Variants in CWH43 observed in about 807,000 individuals in gnomAD.
The protein encoded by CWH43 is PGAP2-interacting protein.
CWH43 carries 91 observed loss-of-function variants against 85.7 expected under a neutral mutation model. The ratio of observed to expected loss-of-function variants is 1.06; its 90% confidence interval spans 0.90 to 1.26. CWH43 has a LOEUF of 1.26. CWH43 is among the 50% of genes most tolerant of loss of function. The probability of loss-of-function intolerance (pLI) is 0.00; values close to 1 mark genes in which losing one functional copy is unlikely to be tolerated. For missense variants in CWH43, 869 were observed against 839.2 expected, an observed-to-expected ratio of 1.04 and a Z score of -0.44; for synonymous variants, 323 against 293.6, an observed-to-expected ratio of 1.10 and a Z score of -1.02.
chr4:49,028,597 C>A (rs1481944650), intron 9 of CWH43, 32 bp from the exon 10 acceptor site: 4 of 1,510,188 alleles, frequency 2.6e-6, no homozygotes, highest in South Asian at 1.2e-5. Flanking sequence ...TGTTCACAGT[C>A]ATCCTAAACT....
intron 14 of CWH43, among the ~76,000 whole-genome samples, chr4:49,046,889 G>C (rs867470553): frequency 6.6e-6 from 1 of 152,198 alleles, no homozygotes; most frequent in African/African-American, 2.4e-5. Flanking sequence ...AAACACTCAA[G>C]GGTTCTCCTG....
At chr4:49,011,225 A>G (rs1361653551) in intron 8 of CWH43, among the ~76,000 whole-genome samples, 1 of 152,090 alleles carries the variant, frequency 6.6e-6, no homozygotes, top group African/African-American at 2.4e-5. Flanking sequence ...CTTTACTATT[A>G]TGTAATGGCC....
At position 48,986,387 on chromosome 4, in the gene CWH43, A is replaced by G. The variant is rs1351979131; in HGVS notation, c.-43A>G. On this transcript the variant is annotated 5_prime_UTR_variant, in exon 1 of 16. Coordinates refer to ENST00000226432, the MANE Select transcript of CWH43 (RefSeq NM_025087.3). ...GCGCAGGGCTAGGGCAGCGGGCCCGACCCGCACGGCTTTCCTGGAAAGCGC... is the reference window on the plus strand; with the variant it reads ...GCGCAGGGCTAGGGCAGCGGGCCCGGCCCGCACGGCTTTCCTGGAAAGCGC... 1.3e-6 allele frequency: 2 copies of G among 1,541,846 alleles called. No individual in the cohort carries two copies. Among genetic ancestry groups the G allele is most frequent in the Admixed American group, 2.0e-5 (1 of 50,666 alleles).
chr4:49,028,009 C>A (rs1004827163), intron 9 of CWH43, among the ~76,000 whole-genome samples: 2 of 152,236 alleles, frequency 1.3e-5, no homozygotes, highest in Admixed American at 6.5e-5. Context: ...ATAGGCTGAC[C>A]ACTTCTTCAA....
intron 1 of CWH43, 78 bp from the exon 2 acceptor site, chr4:48,988,399 G>A (rs1168122669): frequency 2.6e-6 from 3 of 1,142,570 alleles, no homozygotes; most frequent in Non-Finnish European, 3.7e-6. Context: ...CCAAGCGGCT[G>A]GAGTGGAGGG....
chr4:48,993,781 T>C (rs1782727442), intron 4 of CWH43, among the ~76,000 whole-genome samples: 1 of 152,082 alleles, frequency 6.6e-6, no homozygotes, highest in Non-Finnish European at 1.5e-5. Context: ...TGAGATGGAG[T>C]TTCACTCTTG....
chr4:49,045,818 CA>C (rs1338523875), intron 14 of CWH43, among the ~76,000 whole-genome samples: 3 of 151,892 alleles, frequency 2.0e-5, no homozygotes, highest in Admixed American at 6.6e-5. Flanking sequence ...GTATACTGAT[CA>C]AATCATTATA....
intron 13 of CWH43, among the ~76,000 whole-genome samples, chr4:49,039,429 A>T (rs1435869360): frequency 2.0e-4 from 27 of 137,884 alleles, no homozygotes; most frequent in Middle Eastern, 3.8e-3. Flanking sequence ...ATATATATAC[A>T]CTTATATATA....
At chr4:49,032,826 A>G (rs1577691921) in intron 12 of CWH43, 111 bp downstream of exon 12, 5 of 1,327,880 alleles carry the variant, frequency 3.8e-6, no homozygotes, top group Non-Finnish European at 4.2e-6. Flanking sequence ...TTTACCTCCC[A>G]AAGTATTTCT....
intron 5 of CWH43, among the ~76,000 whole-genome samples, chr4:48,997,225 C>CTTT (rs35408755): frequency 2.1e-5 from 3 of 145,204 alleles, no homozygotes; most frequent in Admixed American, 6.9e-5. Flanking sequence ...TAACTTAAAA[C>CTTT]TTTTTTTTTT....
chr4:49,050,337 T>A (rs771087182), intron 14 of CWH43, among the ~76,000 whole-genome samples: 4 of 152,286 alleles, frequency 2.6e-5, no homozygotes, highest in Non-Finnish European at 5.9e-5. Context: ...TTTTTAAAGG[T>A]AAGAAAGAAG....
chr4:48,986,523 A>T, intron 1 of CWH43, 51 bp downstream of exon 1: 4 of 1,548,514 alleles, frequency 2.6e-6, no homozygotes, highest in Non-Finnish European at 3.5e-6. Flanking sequence ...TCCCCGGGCC[A>T]TGTCCAGAGC....
chr4:49,045,773 T>C (rs1553917730), intron 14 of CWH43, among the ~76,000 whole-genome samples: 2 of 152,070 alleles, frequency 1.3e-5, no homozygotes, highest in Non-Finnish European at 2.9e-5. Flanking sequence ...ACACATTTAT[T>C]GGGGGGGTAC....
intron 1 of CWH43, 140 bp from the exon 2 acceptor site, chr4:48,988,337 G>GAA: frequency 6.3e-6 from 3 of 477,868 alleles, no homozygotes; most frequent in South Asian, 5.5e-5. Flanking sequence ...CCATGTCAGT[G>GAA]GAGACAACTG....
At chr4:49,026,889 T>C (rs2109799437) in intron 9 of CWH43, among the ~76,000 whole-genome samples, 1 of 152,326 alleles carries the variant, frequency 6.6e-6, no homozygotes, top group African/African-American at 2.4e-5. Context: ...CTTCTTTCCT[T>C]TTGGGTAGAT....
chr4:48,991,334 TACATCAA>T lies in CWH43; in HGVS notation c.236-119_236-113del. ...AATTTTAAATACATATATAAAATTA[TACATCAA>T]CTCTGTCTTCCTGAGTATAAAGATG... On this transcript the variant is annotated intron_variant, in intron 2 of 15. Coordinates refer to ENST00000226432, the MANE Select transcript of CWH43 (RefSeq NM_025087.3). The T allele has an allele frequency of 6.2e-6, 6 of 967,600 alleles. 1 individual carries two copies. In the Admixed American group the frequency reaches 1.6e-4, roughly 25 times the overall value. 59.9% of individuals were successfully genotyped at this position (967,600 alleles called of 1,614,324 possible). A position where few individuals can be genotyped will look rare whatever the true frequency, so the allele number is the denominator to read the frequency against.
At chr4:49,035,203 C>T (rs2768972) in intron 12 of CWH43, among the ~76,000 whole-genome samples, 486 of 152,234 alleles carry the variant, frequency 3.2e-3, no homozygotes, top group Non-Finnish European at 4.7e-3. Flanking sequence ...TTAGAGATTT[C>T]GTTTTCCAGT....
intron 14 of CWH43, among the ~76,000 whole-genome samples, chr4:49,048,403 T>C (rs1285105041): frequency 6.6e-6 from 1 of 151,216 alleles, no homozygotes; most frequent in Non-Finnish European, 1.5e-5. Flanking sequence ...AAAGTATATA[T>C]ATAAAATATG....
At chr4:48,998,670 G>C in intron 6 of CWH43, 122 bp downstream of exon 6, 1 of 739,834 alleles carries the variant, frequency 1.4e-6, no homozygotes, top group Admixed American at 1.9e-5. Context: ...GGCCAAATGG[G>C]CTGTTGTAAA....
Sources: allele counts gnomAD v4.1 joint callset (sites outside exome capture counted in the v4.1 genomes callset), GRCh38; gene constraint gnomAD v4.1.1; transcripts MANE v1.5; gene names NCBI Gene and HGNC (gene_info 2026-07-23, HGNC 2026-07-21).